The following MYO1D variants were observed in gnomAD, a reference collection of about 807,000 sequenced individuals.
MYO1D encodes unconventional myosin-Id.
A neutral mutation model predicts 122.0 loss-of-function variants in MYO1D; 83 were observed. The observed-to-expected ratio is 0.68, with a 90% CI of 0.57 to 0.82. The LOEUF (loss-of-function observed/expected upper bound fraction) is 0.82, where lower values mean the gene tolerates loss of function less well. Among genes scored for constraint, MYO1D ranks in the 40% least tolerant of loss-of-function variants. MYO1D has a pLI of 0.00. For missense variants in MYO1D, 1,157 were observed against 1,269.5 expected, an observed-to-expected ratio of 0.91 and a Z score of 1.35; for synonymous variants, 464 against 446.9, an observed-to-expected ratio of 1.04 and a Z score of -0.48.
At chr17:32,727,632 C>G (rs1166180606) in intron 14 of MYO1D, 3 of 151,802 alleles carry the variant, frequency 2.0e-5, no homozygotes, top group Non-Finnish European at 4.4e-5. Flanking sequence ...AAAAGAAATA[C>G]AGAAAAAAAG....
chr17:32,592,221 T>C (rs1462329549), intron 21 of MYO1D, among the ~76,000 whole-genome samples: 1 of 152,236 alleles, frequency 6.6e-6, no homozygotes, highest in Admixed American at 6.5e-5. Flanking sequence ...GGAATGTACA[T>C]GGAATAATTT....
At chr17:32,669,910 T>TTTC (rs2088688713) in intron 16 of MYO1D, among the ~76,000 whole-genome samples, 1 of 151,940 alleles carries the variant, frequency 6.6e-6, no homozygotes, top group Non-Finnish European at 1.5e-5. Flanking sequence ...TTCTTTTTTT[T>TTTC]CAGGTGGAGT....
At chr17:32,770,577 A>G (rs948951782) in intron 6 of MYO1D, among the ~76,000 whole-genome samples, 1 of 152,196 alleles carries the variant, frequency 6.6e-6, no homozygotes, top group Non-Finnish European at 1.5e-5. Flanking sequence ...ATAAAAGAGC[A>G]AAAATACGCC....
intron 16 of MYO1D, among the ~76,000 whole-genome samples, chr17:32,672,961 A>G (rs368095456): frequency 6.6e-5 from 10 of 152,112 alleles, no homozygotes; most frequent in East Asian, 5.8e-4. Flanking sequence ...TTGTTGCCAA[A>G]CTATATACAT....
chr17:32,700,655 G>A (rs572064776), intron 16 of MYO1D, among the ~76,000 whole-genome samples: 6 of 152,142 alleles, frequency 3.9e-5, no homozygotes, highest in African/African-American at 9.6e-5. Flanking sequence ...TTAGAAATCA[G>A]AAAATGGGCT....
At chr17:32,749,073 C>A (rs2089871002) in intron 11 of MYO1D, 67 bp from the exon 12 acceptor site, 4 of 1,348,616 alleles carry the variant, frequency 3.0e-6, no homozygotes, top group Non-Finnish European at 4.2e-6. Context: ...TATATTCCAG[C>A]TTAATATGAA....
At position 32,839,353 on chromosome 17, in the gene MYO1D, C is replaced by A. The variant is rs191515648; in HGVS notation, c.95+37425G>T. On this transcript the variant is annotated intron_variant, in intron 1 of 21. Coordinates refer to ENST00000318217, the MANE Select transcript of MYO1D (RefSeq NM_015194.3). Reference sequence around the variant, plus strand: ...AACTTCAACCTGAATTCAAAGCAAGCTGGAGCCTTATCAAAATAATTGTAA... The same window carrying A: ...AACTTCAACCTGAATTCAAAGCAAGATGGAGCCTTATCAAAATAATTGTAA... Among the ~76,000 whole-genome samples, 4 of 152,316 alleles carry A rather than the reference C, an allele frequency of 2.6e-5. No individual in the cohort carries two copies. In the East Asian group the frequency reaches 7.7e-4, roughly 29 times the overall value.
rs1486970532 is a variant in MYO1D at position 32,745,294 on chromosome 17, G to A, written c.1539-9C>T. ...AACCAATGACAGAATAGCTAACAGGGAAAAATCACAGAAAACATGTATCAT... is the reference window on the plus strand; with the variant it reads ...AACCAATGACAGAATAGCTAACAGGAAAAAATCACAGAAAACATGTATCAT... On this transcript the variant is annotated splice_polypyrimidine_tract_variant and intron_variant, in intron 12 of 21. Coordinates refer to ENST00000318217, the MANE Select transcript of MYO1D (RefSeq NM_015194.3). 1.3e-6 allele frequency: 2 copies of A among 1,507,432 alleles called. No individual in the cohort carries two copies. Among genetic ancestry groups the A allele is most frequent in the Admixed American group, 3.8e-5 (2 of 52,228 alleles). The allele number at this position is 1,507,432 out of a possible 1,614,324, so 93.4% of individuals were successfully genotyped here. A position where few individuals can be genotyped will look rare whatever the true frequency, so the allele number is the denominator to read the frequency against.
intron 1 of MYO1D, among the ~76,000 whole-genome samples, chr17:32,859,322 G>A (rs904320663): frequency 3.9e-5 from 6 of 152,020 alleles, no homozygotes; most frequent in African/African-American, 1.5e-4. Flanking sequence ...TTACTTGTTT[G>A]TCAATCTCCC....
Position 32,685,257 on chromosome 17 carries a change from G to T in MYO1D, c.2122-25919C>A, listed in dbSNP as rs76220210. On this transcript the variant is annotated intron_variant, in intron 16 of 21. Coordinates refer to ENST00000318217, the MANE Select transcript of MYO1D (RefSeq NM_015194.3). ...CTATCAAACTCAAGTATTGTATACTGGTTCTCAAATTAACTCCAAGTAATG... is the reference window on the plus strand; with the variant it reads ...CTATCAAACTCAAGTATTGTATACTTGTTCTCAAATTAACTCCAAGTAATG... Among the ~76,000 whole-genome samples the T allele has an allele frequency of 2.9e-3, 440 of 152,184 alleles. 1 individual carries two copies. Among genetic ancestry groups the T allele is most frequent in the African/African-American group, 0.01 (421 of 41,508 alleles).
At chr17:32,506,934 T>C (rs1405115593) in intron 21 of MYO1D, among the ~76,000 whole-genome samples, 1 of 152,192 alleles carries the variant, frequency 6.6e-6, no homozygotes, top group Non-Finnish European at 1.5e-5. Context: ...TGGGCTATGA[T>C]TGTGCCATTG....
intron 19 of MYO1D, among the ~76,000 whole-genome samples, chr17:32,651,204 G>A (rs2088382565): frequency 6.6e-6 from 1 of 152,216 alleles, no homozygotes; most frequent in Non-Finnish European, 1.5e-5. Flanking sequence ...TCTGGCTGGT[G>A]TGAACAGGCA....
intron 21 of MYO1D, among the ~76,000 whole-genome samples, chr17:32,530,398 A>G (rs141821215): frequency 6.6e-6 from 1 of 152,374 alleles, no homozygotes; most frequent in East Asian, 1.9e-4. Context: ...AAATTACATG[A>G]TGAGAAGAGA....
intron 8 of MYO1D, among the ~76,000 whole-genome samples, chr17:32,763,497 C>T (rs1029797472): frequency 6.6e-6 from 1 of 152,094 alleles, no homozygotes; most frequent in East Asian, 1.9e-4. Context: ...AAGATATACC[C>T]AGGCAATTCT....
In MYO1D at chr17:32,591,122, G is replaced by A. The variant is rs190839033; in HGVS notation, c.2864+13965C>T. Among the ~76,000 whole-genome samples, 247 of 152,348 alleles carry A rather than the reference G, an allele frequency of 1.6e-3. 4 individuals carry two copies. In the Middle Eastern group the frequency reaches 0.017, roughly 10 times the overall value. On this transcript the variant is annotated intron_variant, in intron 21 of 21. Coordinates refer to ENST00000318217, the MANE Select transcript of MYO1D (RefSeq NM_015194.3). Reference sequence around the variant, plus strand: ...CCTGCACAACCTCTTGGTGAGCTCTGCCCAAGGGCAGCCGCTTCTCAGTGC... The same window carrying A: ...CCTGCACAACCTCTTGGTGAGCTCTACCCAAGGGCAGCCGCTTCTCAGTGC...
intron 13 of MYO1D, 67 bp from the exon 14 acceptor site, chr17:32,738,452 A>G (rs1157950647): frequency 7.0e-7 from 1 of 1,436,376 alleles, no homozygotes; most frequent in Non-Finnish European, 9.3e-7. Flanking sequence ...CTGATAAGCA[A>G]TTCTGCTGAA....
At chr17:32,713,148 TTA>T (rs1255475309) in intron 15 of MYO1D, among the ~76,000 whole-genome samples, 1 of 152,222 alleles carries the variant, frequency 6.6e-6, no homozygotes, top group East Asian at 1.9e-4. Flanking sequence ...AGTAATGCAT[TTA>T]TGTTTTCTTC....
At chr17:32,724,555 G>A (rs2150993936) in intron 14 of MYO1D, among the ~76,000 whole-genome samples, 1 of 152,334 alleles carries the variant, frequency 6.6e-6, no homozygotes, top group East Asian at 1.9e-4. Flanking sequence ...GTTTGAGGCT[G>A]CCTTTTTTTC....
At chr17:32,553,631 C>G (rs57492224) in intron 21 of MYO1D, among the ~76,000 whole-genome samples, 23,391 of 152,164 alleles carry the variant, frequency 0.15, 1,964 homozygotes, top group Middle Eastern at 0.28. Flanking sequence ...CTTTTTCTCT[C>G]GGCACTGCTG....
Sources: allele counts gnomAD v4.1 joint callset (sites outside exome capture counted in the v4.1 genomes callset), GRCh38; gene constraint gnomAD v4.1.1; transcripts MANE v1.5; gene names NCBI Gene and HGNC (gene_info 2026-07-23, HGNC 2026-07-21).